Variants in LARGE1 observed in about 807,000 individuals in gnomAD.
LARGE1 encodes LARGE xylosyl- and glucuronyltransferase 1.
A neutral mutation model predicts 87.6 loss-of-function variants in LARGE1; 43 were observed. The observed-to-expected ratio is 0.49, with a 90% CI of 0.38 to 0.63. The LOEUF (loss-of-function observed/expected upper bound fraction) is 0.63, where lower values mean the gene tolerates loss of function less well. Ranked by LOEUF, LARGE1 falls within the 30% of genes least tolerant of loss-of-function variation. LARGE1 has a pLI of 0.00. For synonymous variants in LARGE1, 434 were observed against 394.6 expected (o/e 1.10, Z -1.18); for missense variants, 802 against 1,000.2 (o/e 0.80, Z 2.67).
intron 11 of LARGE1, among the ~76,000 whole-genome samples, chr22:33,204,189 A>G (rs1013957912): frequency 1.3e-5 from 2 of 152,128 alleles, no homozygotes; most frequent in Non-Finnish European, 2.9e-5. Flanking sequence ...GAGAAGAAGT[A>G]CCCGAATTGA....
chr22:33,685,593 G>A (rs1487717922), intron 2 of LARGE1, among the ~76,000 whole-genome samples: 5 of 152,186 alleles, frequency 3.3e-5, no homozygotes, highest in Admixed American at 6.5e-5. Flanking sequence ...TGAGACTCAA[G>A]CATATGAATT....
At chr22:33,079,347 C>A in the LARGE1 span, among the ~76,000 whole-genome samples, 2 of 151,116 alleles carry the variant, frequency 1.3e-5, no homozygotes, top group Non-Finnish European at 2.9e-5. Context: ...CCTGCTTCAG[C>A]CTCCCAACTA....
intron 7 of LARGE1, among the ~76,000 whole-genome samples, chr22:33,392,770 T>C (rs990465995): frequency 3.3e-5 from 5 of 152,240 alleles, no homozygotes; most frequent in African/African-American, 1.2e-4. Context: ...ACCAGTGCTG[T>C]AGTGGGAATT....
intron 1 of LARGE1, among the ~76,000 whole-genome samples, chr22:33,829,369 C>G (rs1003434925): frequency 3.9e-5 from 6 of 152,022 alleles, no homozygotes; most frequent in African/African-American, 1.5e-4. Context: ...CAGAGAGCCT[C>G]TGACCCCACT....
chr22:33,677,502 G>A (rs890697283), intron 2 of LARGE1, among the ~76,000 whole-genome samples: 4 of 151,708 alleles, frequency 2.6e-5, no homozygotes, highest in African/African-American at 9.7e-5. Context: ...CTCCCTCACT[G>A]TCTCCATATT....
At chr22:33,721,791 G>T (rs1454151906) in intron 2 of LARGE1, among the ~76,000 whole-genome samples, 1 of 152,158 alleles carries the variant, frequency 6.6e-6, no homozygotes, top group East Asian at 1.9e-4. Context: ...CATCCTGATT[G>T]GTCTGAGTGG....
chr22:33,406,667 C>T (rs2066111539), intron 7 of LARGE1, among the ~76,000 whole-genome samples: 1 of 152,176 alleles, frequency 6.6e-6, no homozygotes, highest in South Asian at 2.1e-4. Context: ...GAGAAGTTGG[C>T]ATGCCCAGGG....
intron 1 of LARGE1, among the ~76,000 whole-genome samples, chr22:33,792,557 A>G (rs2085857366): frequency 6.6e-6 from 1 of 152,204 alleles, no homozygotes; most frequent in Non-Finnish European, 1.5e-5. Context: ...AACCAGGAAA[A>G]TCTGTTACTA....
At chr22:33,375,520 C>T (rs559512550) in intron 9 of LARGE1, among the ~76,000 whole-genome samples, 1 of 152,134 alleles carries the variant, frequency 6.6e-6, no homozygotes, top group Admixed American at 6.6e-5. Context: ...CTCTCTATAG[C>T]AGGATACAAT....
chr22:33,802,438 G>A (rs1262955903), intron 1 of LARGE1, among the ~76,000 whole-genome samples: 3 of 152,182 alleles, frequency 2.0e-5, no homozygotes, highest in Non-Finnish European at 4.4e-5. Flanking sequence ...GAATGGTTAT[G>A]TCCCTAATTG....
intron 11 of LARGE1, among the ~76,000 whole-genome samples, chr22:33,171,222 A>G (rs1029328645): frequency 6.6e-6 from 1 of 152,212 alleles, no homozygotes; most frequent in African/African-American, 2.4e-5. Context: ...GCATTCAGTC[A>G]TATGGGTTCA....
At chr22:33,123,766 T>C in the LARGE1 span, among the ~76,000 whole-genome samples, 97,739 of 151,932 alleles carry the variant, frequency 0.64, 31,680 homozygotes, top group South Asian at 0.77. Context: ...GAAGCTCGGA[T>C]TCACCACAGA....
intron 1 of LARGE1, among the ~76,000 whole-genome samples, chr22:33,855,483 C>T (rs1179266044): frequency 6.6e-6 from 1 of 152,168 alleles, no homozygotes; most frequent in African/African-American, 2.4e-5. Flanking sequence ...AGGCGAGAGA[C>T]CTCAGGGTCT....
chr22:33,628,285 T>C (rs778891720), intron 3 of LARGE1, among the ~76,000 whole-genome samples: 3 of 151,316 alleles, frequency 2.0e-5, no homozygotes, highest in Non-Finnish European at 4.4e-5. Context: ...GCTTAGAGAA[T>C]TGGGATTTGA....
At chr22:33,182,534 AAAG>A (rs141083561) in intron 11 of LARGE1, among the ~76,000 whole-genome samples, 23,213 of 152,120 alleles carry the variant, frequency 0.15, 1,860 homozygotes, top group South Asian at 0.32. Context: ...CAATCTGGAG[AAAG>A]AAGAACAAAG....
chr22:33,527,509 G>A (rs1046228327), intron 6 of LARGE1, among the ~76,000 whole-genome samples: 4 of 152,116 alleles, frequency 2.6e-5, no homozygotes, highest in Admixed American at 6.5e-5. Flanking sequence ...GGTGGCACTC[G>A]GATGGCAATC....
At chr22:33,471,568 G>A (rs2068843300) in intron 6 of LARGE1, among the ~76,000 whole-genome samples, 1 of 151,660 alleles carries the variant, frequency 6.6e-6, no homozygotes, top group Admixed American at 6.6e-5. Context: ...CAACTCTTGT[G>A]CCCCACCCAA....
At chr22:33,256,294 C>T (rs929210198) in intron 11 of LARGE1, among the ~76,000 whole-genome samples, 1 of 152,162 alleles carries the variant, frequency 6.6e-6, no homozygotes, top group African/African-American at 2.4e-5. Flanking sequence ...ATTCACAGAG[C>T]CAGCGTTCTT....
chr22:33,846,414 T>C (rs2063430763), intron 1 of LARGE1, among the ~76,000 whole-genome samples: 1 of 152,202 alleles, frequency 6.6e-6, no homozygotes, highest in South Asian at 2.1e-4. Flanking sequence ...CTGAGGAGGA[T>C]GTATGTCGCC....
Sources: allele counts gnomAD v4.1 joint callset (sites outside exome capture counted in the v4.1 genomes callset), GRCh38; gene constraint gnomAD v4.1.1; transcripts MANE v1.5; gene names NCBI Gene and HGNC (gene_info 2026-07-23, HGNC 2026-07-21).